The following MKX variants were observed in gnomAD, a reference collection of about 807,000 sequenced individuals.
MKX encodes the protein homeobox protein Mohawk.
Under a neutral mutation model 36.0 loss-of-function variants are expected in MKX, and 13 were observed. That is an observed-to-expected ratio of 0.36 (90% CI 0.24 to 0.57). MKX has a LOEUF of 0.57. Ranked by LOEUF, MKX falls within the 20% of genes least tolerant of loss-of-function variation. MKX has a pLI of 0.79. For synonymous variants in MKX, 176 were observed against 178.3 expected (o/e 0.99, Z 0.10); for missense variants, 458 against 456.4 (o/e 1.00, Z -0.03).
rs1466143730 is a variant in MKX at position 27,743,513 on chromosome 10, G to T, written c.-82-16C>A. 1.6e-6 allele frequency: 2 copies of T among 1,273,570 alleles called. No individual in the cohort carries two copies. The highest frequency in any genetic ancestry group is 2.1e-6 in the Non-Finnish European group (2 of 950,174). 78.9% of individuals were successfully genotyped at this position (1,273,570 alleles called of 1,614,324 possible). A position where few individuals can be genotyped will look rare whatever the true frequency, so the allele number is the denominator to read the frequency against. Reference sequence around the variant, plus strand: ...GGCTCGGCTTCTAGGAGAGGAAGGTGCATCTCGTTACTTACTGGCTGAGAG... The same window carrying T: ...GGCTCGGCTTCTAGGAGAGGAAGGTTCATCTCGTTACTTACTGGCTGAGAG... On this transcript the variant is annotated splice_polypyrimidine_tract_variant and intron_variant, in intron 1 of 6. Coordinates refer to ENST00000419761, the MANE Select transcript of MKX (RefSeq NM_173576.3).
chr10:27,729,259 G>A (rs529055865), intron 5 of MKX, among the ~76,000 whole-genome samples: 6 of 151,448 alleles, frequency 4.0e-5, no homozygotes, highest in Non-Finnish European at 7.4e-5. Context: ...AGAGCCATGG[G>A]GCTCATAGAG....
At chr10:27,690,499 G>T (rs1836435039) in intron 5 of MKX, among the ~76,000 whole-genome samples, 1 of 152,170 alleles carries the variant, frequency 6.6e-6, no homozygotes, top group Admixed American at 6.5e-5. Flanking sequence ...GGATTTGTGG[G>T]AACATAGTGG....
At chr10:27,724,756 TAC>T (rs55968845) in intron 5 of MKX, among the ~76,000 whole-genome samples, 1,538 of 141,380 alleles carry the variant, frequency 0.011, 11 homozygotes, top group African/African-American at 0.017. Flanking sequence ...TACTACTACC[TAC>T]ACACACACAC....
In MKX at chr10:27,741,210, T is replaced by C; in HGVS notation, c.348+135A>G. 3 of 1,109,974 alleles carry C rather than the reference T, an allele frequency of 2.7e-6. No homozygotes were observed. The highest frequency in any genetic ancestry group is 3.9e-6 in the Non-Finnish European group (3 of 762,208). The allele number at this position is 1,109,974 out of a possible 1,614,324, so 68.8% of individuals were successfully genotyped here. Reference sequence around the variant, plus strand: ...CTGAGGGATGAGGGTGAGAGGTAATTCAGAAACTCCCACAGCTCGGCTCCA... The same window carrying C: ...CTGAGGGATGAGGGTGAGAGGTAATCCAGAAACTCCCACAGCTCGGCTCCA... On this transcript the variant is annotated intron_variant, in intron 3 of 6. Coordinates refer to ENST00000419761, the MANE Select transcript of MKX (RefSeq NM_173576.3). The surrounding 1 kb of genome is among the most constrained non-coding windows in gnomAD (Gnocchi z 5.1).
intron 5 of MKX, among the ~76,000 whole-genome samples, chr10:27,697,786 G>T (rs996123342): frequency 2.0e-5 from 3 of 152,206 alleles, no homozygotes; most frequent in Non-Finnish European, 2.9e-5. Context: ...TGAACGAATG[G>T]TATAGCTCAT....
chr10:27,717,846 C>A (rs1836992940), intron 5 of MKX, among the ~76,000 whole-genome samples: 1 of 152,196 alleles, frequency 6.6e-6, no homozygotes, highest in Non-Finnish European at 1.5e-5. Context: ...CAGGGAAAGA[C>A]CCATGCAGCA....
chr10:27,741,172 C>A lies in MKX; in HGVS notation c.348+173G>T, dbSNP rs572133977. 3.3e-5 allele frequency among the ~76,000 whole-genome samples: 5 copies of A among 152,212 alleles called. No homozygotes were observed. The highest frequency in any genetic ancestry group is 6.5e-5 in the Admixed American group (1 of 15,288). ...ATCCTGCATTCTTTCCTGCACGGAG[C>A]ATCTGCACTGAACTGAGGGATGAGG... On this transcript the variant is annotated intron_variant, in intron 3 of 6. Transcript: ENST00000419761. This position sits in a 1 kb window ranked among gnomAD's most constrained non-coding sequence, Gnocchi z 5.1.
At chr10:27,709,396 G>A (rs1836814306) in intron 5 of MKX, among the ~76,000 whole-genome samples, 1 of 152,144 alleles carries the variant, frequency 6.6e-6, no homozygotes, top group Admixed American at 6.5e-5. Context: ...AGCATCTGTG[G>A]ATTTTGGTAT....
intron 5 of MKX, among the ~76,000 whole-genome samples, chr10:27,715,514 A>G (rs531966280): frequency 1.3e-5 from 2 of 152,324 alleles, no homozygotes; most frequent in East Asian, 3.9e-4. Context: ...TGGAGAAGCC[A>G]AGGACTCTCC....
At chr10:27,732,778 C>G (rs1336316186) in intron 5 of MKX, among the ~76,000 whole-genome samples, 1 of 152,146 alleles carries the variant, frequency 6.6e-6, no homozygotes, top group Non-Finnish European at 1.5e-5. Context: ...AACAGGGTCT[C>G]CCTCTGTTCC....
intron 5 of MKX, among the ~76,000 whole-genome samples, chr10:27,684,221 G>A (rs926619609): frequency 2.0e-5 from 3 of 152,006 alleles, no homozygotes; most frequent in African/African-American, 7.2e-5. Context: ...AGGCCGAGGT[G>A]GGAGGATCAT....
chr10:27,731,303 T>C (rs1268252825), intron 5 of MKX, among the ~76,000 whole-genome samples: 1 of 151,912 alleles, frequency 6.6e-6, no homozygotes, highest in Non-Finnish European at 1.5e-5. Context: ...TCTATTTAGG[T>C]GAGGAAAGAA....
intron 5 of MKX, among the ~76,000 whole-genome samples, chr10:27,730,614 C>T (rs1048128069): frequency 6.6e-5 from 10 of 151,744 alleles, no homozygotes; most frequent in Admixed American, 3.9e-4. Context: ...CCTCCCACCA[C>T]GCTCAGCTAA....
chr10:27,745,192 A>G (rs1835025678), intron 1 of MKX, among the ~76,000 whole-genome samples: 1 of 151,922 alleles, frequency 6.6e-6, no homozygotes, highest in Admixed American at 6.6e-5. Context: ...AGTCATCACG[A>G]GGTTAGCCAC....
chr10:27,725,030 T>C (rs1046517421), intron 5 of MKX, among the ~76,000 whole-genome samples: 7 of 152,174 alleles, frequency 4.6e-5, no homozygotes, highest in African/African-American at 1.7e-4. Flanking sequence ...ATTTAAGTAT[T>C]TTTTAAGTAA....
Position 27,673,519 on chromosome 10 carries a change from C to T in MKX, c.*1710G>A, listed in dbSNP as rs1836087065. On this transcript the variant is annotated 3_prime_UTR_variant, in exon 7 of 7. Transcript: ENST00000419761. ...ATTCCAAAGTTTTTATCAGAGATCT[C>T]TAACTATTTAAGGATGCAAACCAAA... 6.6e-6 allele frequency: 1 copy of T among 152,474 alleles called. No individual in the cohort carries two copies. The highest frequency in any genetic ancestry group is 1.5e-5 in the Non-Finnish European group (1 of 67,990). The allele number at this position is 152,474 out of a possible 1,614,324, so 9.4% of individuals were successfully genotyped here. A position where few individuals can be genotyped will look rare whatever the true frequency, so the allele number is the denominator to read the frequency against.
chr10:27,695,620 G>A (rs1022770507), intron 5 of MKX, among the ~76,000 whole-genome samples: 1 of 152,140 alleles, frequency 6.6e-6, no homozygotes, highest in Non-Finnish European at 1.5e-5. Context: ...TACTTCCAAT[G>A]TGAAAGGAGC....
intron 5 of MKX, among the ~76,000 whole-genome samples, chr10:27,725,746 A>C (rs1834474242): frequency 6.6e-6 from 1 of 152,086 alleles, no homozygotes; most frequent in African/African-American, 2.4e-5. Context: ...ATTTTCATAG[A>C]CAGTAAAAAC....
intron 3 of MKX, among the ~76,000 whole-genome samples, chr10:27,736,597 A>T (rs1278835246): frequency 6.6e-6 from 1 of 152,138 alleles, no homozygotes; most frequent in Non-Finnish European, 1.5e-5. Context: ...AGGCCAGATT[A>T]CTATAATGGT....
Sources: gnomAD v4.1 joint callset for allele counts (sites outside exome capture counted in the v4.1 genomes callset) on GRCh38, gnomAD v4.1.1 for gene constraint, Gnocchi (gnomAD v3.1) non-coding constraint, MANE v1.5 for transcripts, NCBI Gene and HGNC (gene_info 2026-07-23, HGNC 2026-07-21) for gene names.